The following ROBO2 variants were observed in gnomAD, a reference collection of about 807,000 sequenced individuals.
ROBO2 encodes roundabout guidance receptor 2.
In ROBO2, 53 loss-of-function variants were observed where a neutral mutation model predicts 160.8. The observed-to-expected ratio is 0.33, with a 90% CI of 0.26 to 0.41. ROBO2 has a LOEUF of 0.41. Ranked by LOEUF, ROBO2 falls within the 10% of genes least tolerant of loss-of-function variation. The pLI is 1.00. For synonymous variants in ROBO2, 664 were observed against 611.7 expected, an observed-to-expected ratio of 1.09 and a Z score of -1.26; for missense variants, 1,577 against 1,722.4, an observed-to-expected ratio of 0.92 and a Z score of 1.49.
chr3:76,668,784 G>A (rs1373951190), intron 2 of ROBO2, among the ~76,000 whole-genome samples: 2 of 152,006 alleles, frequency 1.3e-5, no homozygotes, highest in East Asian at 3.9e-4. Context: ...ATACTGCCAT[G>A]GTAGTAAGAA....
At chr3:76,570,697 G>C (rs909982889) in intron 2 of ROBO2, among the ~76,000 whole-genome samples, 5 of 151,996 alleles carry the variant, frequency 3.3e-5, no homozygotes, top group Non-Finnish European at 7.4e-5. Flanking sequence ...AAGGTAATCT[G>C]GTTTAGAAAC....
intron 21 of ROBO2, among the ~76,000 whole-genome samples, chr3:77,608,234 T>A (rs1435468697): frequency 6.6e-6 from 1 of 152,196 alleles, no homozygotes; most frequent in Non-Finnish European, 1.5e-5. Context: ...CTTGTTAGTT[T>A]GAAAGCAAGT....
chr3:77,235,046 T>C (rs1204327412), intron 2 of ROBO2, among the ~76,000 whole-genome samples: 1 of 152,212 alleles, frequency 6.6e-6, no homozygotes, highest in Non-Finnish European at 1.5e-5. Flanking sequence ...AAAGACAGAA[T>C]AGCACAATCA....
chr3:77,207,403 TAA>T (rs760849410), intron 2 of ROBO2, among the ~76,000 whole-genome samples: 6 of 152,238 alleles, frequency 3.9e-5, no homozygotes, highest in Non-Finnish European at 8.8e-5. Context: ...CTATATGACA[TAA>T]GTCAGAATTA....
intron 2 of ROBO2, among the ~76,000 whole-genome samples, chr3:76,349,350 T>C (rs1387903470): frequency 1.3e-5 from 2 of 152,130 alleles, no homozygotes. Flanking sequence ...TAATTAAACA[T>C]CTATGAAATC....
intron 2 of ROBO2, among the ~76,000 whole-genome samples, chr3:76,836,847 G>A (rs1235712125): frequency 6.6e-6 from 1 of 151,796 alleles, no homozygotes; most frequent in Non-Finnish European, 1.5e-5. Context: ...ACTTGAATAT[G>A]TATTCTTCTG....
At chr3:76,658,066 G>GAATAAATA (rs199659732) in intron 2 of ROBO2, among the ~76,000 whole-genome samples, 40 of 131,696 alleles carry the variant, frequency 3.0e-4, no homozygotes, top group African/African-American at 9.4e-4. Flanking sequence ...GATCCTGTCT[G>GAATAAATA]AATAAATAAA....
intron 2 of ROBO2, among the ~76,000 whole-genome samples, chr3:76,803,446 G>GGGAAGGAAGGAAGGAT (rs1281553189): frequency 3.4e-5 from 5 of 146,842 alleles, no homozygotes; most frequent in African/African-American, 1.3e-4. Context: ...GAAGGATGGA[G>GGGAAGGAAGGAAGGAT]GGAAGGAAGG....
chr3:77,386,664 G>A (rs2074143112), intron 2 of ROBO2, among the ~76,000 whole-genome samples: 2 of 128,238 alleles, frequency 1.6e-5, no homozygotes, highest in South Asian at 5.3e-4. Flanking sequence ...GTGCAATGGT[G>A]TGATCTTGTC....
intron 2 of ROBO2, among the ~76,000 whole-genome samples, chr3:76,591,726 G>A (rs1485734062): frequency 6.6e-6 from 1 of 151,958 alleles, no homozygotes; most frequent in African/African-American, 2.4e-5. Flanking sequence ...AAAATAATTG[G>A]GAACATTTTC....
At chr3:76,655,388 A>T (rs1339015386) in intron 2 of ROBO2, among the ~76,000 whole-genome samples, 1 of 124,622 alleles carries the variant, frequency 8.0e-6, no homozygotes, top group Non-Finnish European at 1.7e-5. Flanking sequence ...ATTTCAAAAA[A>T]AAAACTATTT....
intron 2 of ROBO2, among the ~76,000 whole-genome samples, chr3:77,261,079 T>C (rs2058743884): frequency 6.6e-6 from 1 of 152,148 alleles, no homozygotes; most frequent in Admixed American, 6.5e-5. Context: ...CTGTCACGTA[T>C]CTGAGGAGAT....
intron 1 of ROBO2, among the ~76,000 whole-genome samples, chr3:77,090,672 A>G (rs2070100487): frequency 6.6e-6 from 1 of 151,948 alleles, no homozygotes; most frequent in East Asian, 1.9e-4. Flanking sequence ...TCTTTATAGC[A>G]TTGATGTCCT....
chr3:76,274,216 A>C (rs1163346301), intron 2 of ROBO2, among the ~76,000 whole-genome samples: 1 of 152,216 alleles, frequency 6.6e-6, no homozygotes, highest in African/African-American at 2.4e-5. Context: ...CTACATACAT[A>C]CAACCAAATC....
chr3:76,043,240 C>T (rs183103899), intron 2 of ROBO2, among the ~76,000 whole-genome samples: 3 of 151,752 alleles, frequency 2.0e-5, no homozygotes, highest in Non-Finnish European at 4.4e-5. Flanking sequence ...AACATTTTGC[C>T]ACTGTGCTTT....
intron 2 of ROBO2, among the ~76,000 whole-genome samples, chr3:76,056,430 G>A (rs73842921): frequency 1.0e-3 from 154 of 151,654 alleles, no homozygotes; most frequent in Admixed American, 2.6e-3. Flanking sequence ...AAAATGGTGC[G>A]TTTTTAAAAG....
At chr3:76,344,333 T>C (rs550725702) in intron 2 of ROBO2, among the ~76,000 whole-genome samples, 64 of 152,270 alleles carry the variant, frequency 4.2e-4, no homozygotes, top group African/African-American at 1.5e-3. Flanking sequence ...GATATGCATA[T>C]CTTCAGATAA....
intron 2 of ROBO2, among the ~76,000 whole-genome samples, chr3:76,719,372 T>C (rs781641752): frequency 6.6e-6 from 1 of 152,162 alleles, no homozygotes; most frequent in Non-Finnish European, 1.5e-5. Context: ...GGTGTCACTC[T>C]CATCCAGGCT....
At chr3:76,173,325 A>C (rs886447046) in intron 2 of ROBO2, among the ~76,000 whole-genome samples, 7 of 151,978 alleles carry the variant, frequency 4.6e-5, no homozygotes, top group African/African-American at 1.7e-4. Flanking sequence ...CATAAAATAC[A>C]TGCTAATTAT....
Sources: gnomAD v4.1 joint callset for allele counts (sites outside exome capture counted in the v4.1 genomes callset) on GRCh38, gnomAD v4.1.1 for gene constraint, MANE v1.5 for transcripts, NCBI Gene and HGNC (gene_info 2026-07-23, HGNC 2026-07-21) for gene names.